The following CSNK1G2 variants were observed in gnomAD, a reference collection of about 807,000 sequenced individuals.
The protein encoded by CSNK1G2 is casein kinase I isoform gamma-2.
Under a neutral mutation model 48.0 loss-of-function variants are expected in CSNK1G2, and 11 were observed. That is an observed-to-expected ratio of 0.23 (90% CI 0.14 to 0.38). The LOEUF (loss-of-function observed/expected upper bound fraction) is 0.38, where lower values mean the gene tolerates loss of function less well. CSNK1G2 is among the 10% of genes least tolerant of loss of function. CSNK1G2 has a pLI of 1.00. For missense variants in CSNK1G2, 446 were observed against 595.5 expected (o/e 0.75, Z 2.61); for synonymous variants, 337 against 254.1 (o/e 1.33, Z -3.10).
chr19:1,952,540 T>G (rs935432954), intron 1 of CSNK1G2: 15 of 154,206 alleles, frequency 9.7e-5, no homozygotes, highest in South Asian at 5.7e-4. Context: ...TCCAGGATGG[T>G]CTCAAACTCC....
chr19:1,975,274 A>G, intron 2 of CSNK1G2: 1 of 985,474 alleles, frequency 1.0e-6, no homozygotes. Context: ...TGATACATCG[A>G]CAGACAGCAG....
intron 2 of CSNK1G2, among the ~76,000 whole-genome samples, chr19:1,973,593 C>T (rs539381860): frequency 2.6e-5 from 4 of 152,334 alleles, no homozygotes; most frequent in East Asian, 3.9e-4. Context: ...GGCTGTTTTC[C>T]GTCTGCCTCT....
intron 1 of CSNK1G2, among the ~76,000 whole-genome samples, chr19:1,961,844 G>T (rs780650497): frequency 5.3e-5 from 8 of 152,184 alleles, no homozygotes; most frequent in African/African-American, 1.7e-4. Flanking sequence ...CAAGAAATCC[G>T]CTGGCCGCTA....
intron 1 of CSNK1G2, chr19:1,954,805 G>C (rs1450388309): frequency 6.6e-6 from 1 of 152,234 alleles, no homozygotes; most frequent in Non-Finnish European, 1.5e-5. Context: ...CCCCTCGTTG[G>C]CGCCCGGGAG....
Position 1,979,252 on chromosome 19 carries a change from G to A in CSNK1G2, c.768+4G>A. On this transcript the variant is annotated splice_donor_region_variant and intron_variant, in intron 7 of 11. Coordinates refer to ENST00000255641, the MANE Select transcript of CSNK1G2 (RefSeq NM_001319.7). ...CCTCCCCTGGCAGGGGCTCAAGGTG[G>A]GCGAGGAGGCCGGGCAGGCGGGCGG... The A allele has an allele frequency of 6.4e-7, 1 of 1,560,422 alleles. No homozygotes were observed. The highest frequency in any genetic ancestry group is 8.7e-7 in the Non-Finnish European group (1 of 1,153,006).
intron 1 of CSNK1G2, among the ~76,000 whole-genome samples, chr19:1,948,091 G>C (rs1259706815): frequency 6.6e-6 from 1 of 152,148 alleles, no homozygotes; most frequent in Non-Finnish European, 1.5e-5. Context: ...GTGTGGCTTC[G>C]GGGGGCGGCC....
At position 1,980,937 on chromosome 19, in the gene CSNK1G2, C is replaced by A. The variant is rs1000085525; in HGVS notation, c.*734C>A. 1.3e-5 allele frequency: 2 copies of A among 152,328 alleles called. No homozygotes were observed. Among genetic ancestry groups the A allele is most frequent in the Non-Finnish European group, 2.9e-5 (2 of 68,088 alleles). 9.4% of individuals were successfully genotyped at this position (152,328 alleles called of 1,614,324 possible). On this transcript the variant is annotated 3_prime_UTR_variant, in exon 12 of 12. Transcript: ENST00000255641. ...GACGCACTTGCTCCCGGAGGCTGCGCCCCGGCGCCTGGAACCCGAGGTGGG... is the reference window on the plus strand; with the variant it reads ...GACGCACTTGCTCCCGGAGGCTGCGACCCGGCGCCTGGAACCCGAGGTGGG...
intron 2 of CSNK1G2, chr19:1,976,163 C>G (rs1244061093): frequency 8.5e-7 from 1 of 1,175,760 alleles, no homozygotes; most frequent in Admixed American, 2.4e-5. Flanking sequence ...TGGGGCACGG[C>G]TCCTGTTGTT....
At chr19:1,958,910 A>C (rs1016936879) in intron 1 of CSNK1G2, among the ~76,000 whole-genome samples, 266 of 5,530 alleles carry the variant, frequency 0.048, no homozygotes, top group Middle Eastern at 0.083. Context: ...CGTCCCCCCC[A>C]CCCCCGTCCA....
At chr19:1,951,964 G>T (rs2014779758) in intron 1 of CSNK1G2, among the ~76,000 whole-genome samples, 2 of 152,156 alleles carry the variant, frequency 1.3e-5, no homozygotes, top group Non-Finnish European at 2.9e-5. Flanking sequence ...ACAGGCGAGA[G>T]CCACCGGGCC....
chr19:1,979,817 G>C lies in CSNK1G2; in HGVS notation c.1068G>C (p.Gln356His). ...AGCCTCAGCTCCGGGACAAAACCCA[G>C]CCGCACAGCAAAAACCAGGTGAGGC... ...PSQPQLRDKT[Q>H]PHSKNQALNS... Residue 356 changes from glutamine to histidine, a missense_variant, in exon 10 of 12, where the codon CAG (glutamine) becomes CAC (histidine). By Grantham distance (24) the Gln-to-His change is conservative. Transcript: ENST00000255641. 1 of 1,606,990 alleles carries C rather than the reference G, an allele frequency of 6.2e-7. No homozygotes were observed. The highest frequency in any genetic ancestry group is 8.5e-7 in the Non-Finnish European group (1 of 1,177,748).
chr19:1,942,044 G>T (rs1475611858), intron 1 of CSNK1G2, among the ~76,000 whole-genome samples: 1 of 152,102 alleles, frequency 6.6e-6, no homozygotes, highest in Non-Finnish European at 1.5e-5. Flanking sequence ...AAGCTCTTGA[G>T]GGGGAGAGCA....
In CSNK1G2 at chr19:1,951,618, C is replaced by G. The variant is rs565266668; in HGVS notation, c.-266+10200C>G. On this transcript the variant is annotated intron_variant, in intron 1 of 11. Coordinates refer to ENST00000255641, the MANE Select transcript of CSNK1G2 (RefSeq NM_001319.7). ...CCAGGATGGGGGATGCTTGGGTGCC[C>G]TCAGGATGTGCAGGCTGGGCGGGAG... 1.4e-5 allele frequency among the ~76,000 whole-genome samples: 2 copies of G among 144,748 alleles called. 1 individual carries two copies. Among genetic ancestry groups the G allele is most frequent in the African/African-American group, 5.3e-5 (2 of 37,526 alleles). 95.0% of individuals were successfully genotyped at this position (144,748 alleles called of 152,430 possible). A position where few individuals can be genotyped will look rare whatever the true frequency, so the allele number is the denominator to read the frequency against.
rs894939313 is a variant in CSNK1G2, at chr19:1,979,932, G to A, written c.1108G>A (p.Glu370Lys). The A allele has an allele frequency of 1.2e-6, 2 of 1,605,674 alleles. No homozygotes were observed. Among genetic ancestry groups the A allele is most frequent in the Non-Finnish European group, 1.7e-6 (2 of 1,176,062 alleles). Residue 370 changes from glutamate to lysine, a missense_variant, in exon 11 of 12, where the codon GAG becomes AAG. Coordinates refer to ENST00000255641, the MANE Select transcript of CSNK1G2 (RefSeq NM_001319.7). ...KNQALNSTNG[E>K]LNADDPTAGH... ...CCAGGCGTTGAACTCCACCAACGGG[G>A]AGCTGAATGCGGACGACCCCACGGC...
At position 1,950,428 on chromosome 19, in the gene CSNK1G2, C is replaced by T. The variant is rs974972658; in HGVS notation, c.-266+9010C>T. Among the ~76,000 whole-genome samples the T allele has an allele frequency of 8.2e-5, 12 of 147,160 alleles. 2 individuals are homozygous for T. The highest frequency in any genetic ancestry group is 2.1e-4 in the East Asian group (1 of 4,830). ...TGCTGGGATTACAGGCGTGAGCCAC[C>T]GCGCCTGGCCATCAATGTTTATTTT... On this transcript the variant is annotated intron_variant, in intron 1 of 11. Coordinates refer to ENST00000255641, the MANE Select transcript of CSNK1G2 (RefSeq NM_001319.7).
intron 1 of CSNK1G2, among the ~76,000 whole-genome samples, chr19:1,961,656 G>A (rs147015224): frequency 0.013 from 2,004 of 152,302 alleles, 14 homozygotes; most frequent in Middle Eastern, 0.027. Context: ...GAGATGAGCT[G>A]CGGTGGGGGG....
chr19:1,953,029 G>A (rs764347931), intron 1 of CSNK1G2: 17 of 405,396 alleles, frequency 4.2e-5, no homozygotes, highest in South Asian at 3.2e-4. Context: ...AAAAAACAAA[G>A]GAAATGTAGA....
chr19:1,945,184 G>T (rs1318129738), intron 1 of CSNK1G2, among the ~76,000 whole-genome samples: 1 of 152,190 alleles, frequency 6.6e-6, no homozygotes, highest in Non-Finnish European at 1.5e-5. Flanking sequence ...CTGTGCGCCC[G>T]CAAGGTTGCC....
Position 1,978,949 on chromosome 19 carries a change from C to T in CSNK1G2, c.538C>T (p.Arg180Trp), listed in dbSNP as rs778889620. The stretch of plus-strand genomic sequence containing the variant: ...CCTGGTGGGCCGCCCGGGGACCAAG[C>T]GGCAGCATGCCATCCACATCATCGA... Reference protein sequence around the residue: ...NFLVGRPGTKRQHAIHIIDFG... With the variant: ...NFLVGRPGTKWQHAIHIIDFG... The change falls in exon 6 of 12, where the codon CGG becomes TGG. Residue 180 changes from arginine to tryptophan, a missense_variant. Around this residue, in one of 2 missense-constraint regions of CSNK1G2, gnomAD observed 258 missense variants for 415.9 expected, o/e 0.62. Transcript: ENST00000255641. The surrounding 1 kb of genome is among the most constrained non-coding windows in gnomAD (Gnocchi z 7.3). 2 of 1,601,306 alleles carry T rather than the reference C, an allele frequency of 1.2e-6. No individual in the cohort carries two copies. The highest frequency in any genetic ancestry group is 1.7e-6 in the Non-Finnish European group (2 of 1,179,662).
Sources: allele counts gnomAD v4.1 joint callset (sites outside exome capture counted in the v4.1 genomes callset), GRCh38; gene constraint gnomAD v4.1.1; regional missense constraint gnomAD v4.1.1; non-coding constraint Gnocchi (gnomAD v3.1); transcripts MANE v1.5; gene names NCBI Gene and HGNC (gene_info 2026-07-23, HGNC 2026-07-21).